ADAM22: variants seen among roughly 807,000 people sequenced by gnomAD.
The protein encoded by ADAM22 is disintegrin and metalloproteinase domain-containing protein 22.
Under a neutral mutation model 144.6 loss-of-function variants are expected in ADAM22, and 65 were observed. The ratio of observed to expected loss-of-function variants is 0.45; its 90% confidence interval spans 0.37 to 0.55. The LOEUF is 0.55. ADAM22 is among the 20% of genes least tolerant of loss of function. The probability of loss-of-function intolerance (pLI) is 0.00; values close to 1 mark genes in which losing one functional copy is unlikely to be tolerated. For missense variants in ADAM22, 974 were observed against 1,184.9 expected, an observed-to-expected ratio of 0.82 and a Z score of 2.61; for synonymous variants, 391 against 412.6, an observed-to-expected ratio of 0.95 and a Z score of 0.63.
At chr7:88,102,518 A>C (rs1823201171) in intron 4 of ADAM22, among the ~76,000 whole-genome samples, 1 of 152,170 alleles carries the variant, frequency 6.6e-6, no homozygotes, top group Non-Finnish European at 1.5e-5. Flanking sequence ...GGTTGGGAGT[A>C]AGTCATGGGC....
chr7:88,093,970 C>A (rs1820599369), intron 4 of ADAM22, among the ~76,000 whole-genome samples: 1 of 152,116 alleles, frequency 6.6e-6, no homozygotes, highest in Admixed American at 6.6e-5. Flanking sequence ...GGAAAGCTGA[C>A]ATGAGAGATT....
intron 3 of ADAM22, among the ~76,000 whole-genome samples, chr7:88,034,548 G>A (rs541340295): frequency 2.0e-5 from 3 of 152,132 alleles, no homozygotes; most frequent in African/African-American, 7.2e-5. Flanking sequence ...ACCTCAGCTC[G>A]TGTCTCAGTA....
chr7:88,029,189 G>A (rs1340238310), intron 3 of ADAM22, among the ~76,000 whole-genome samples: 2 of 151,392 alleles, frequency 1.3e-5, no homozygotes, highest in African/African-American at 4.8e-5. Flanking sequence ...TTTAATCACT[G>A]TGATTTTCTC....
At chr7:88,142,577 A>G (rs969462550) in intron 14 of ADAM22, among the ~76,000 whole-genome samples, 45 of 152,248 alleles carry the variant, frequency 3.0e-4, no homozygotes, top group East Asian at 5.8e-4. Context: ...GGTGGCTCAC[A>G]CCTGTAATCC....
intron 3 of ADAM22, among the ~76,000 whole-genome samples, chr7:88,032,665 A>T (rs947150273): frequency 1.3e-5 from 2 of 152,142 alleles, no homozygotes; most frequent in African/African-American, 4.8e-5. Flanking sequence ...GGGCAGAACG[A>T]TATGGCTTGG....
chr7:87,939,910 T>C (rs1452940557), intron 2 of ADAM22, among the ~76,000 whole-genome samples: 1 of 152,130 alleles, frequency 6.6e-6, no homozygotes, highest in Non-Finnish European at 1.5e-5. Context: ...GAGCAAGCCA[T>C]TGGCTGGGCA....
chr7:88,032,276 C>A (rs1011620207), intron 3 of ADAM22, among the ~76,000 whole-genome samples: 1 of 152,192 alleles, frequency 6.6e-6, no homozygotes, highest in African/African-American at 2.4e-5. Context: ...TGGGGTGGAG[C>A]TGCTCAGGGA....
Position 88,026,825 on chromosome 7 carries a change from C to G in ADAM22, c.323+48413C>G, listed in dbSNP as rs188882045. Among the ~76,000 whole-genome samples, 30 of 152,234 alleles carry G rather than the reference C, an allele frequency of 2.0e-4. 1 individual carries two copies. In the East Asian group the frequency reaches 5.6e-3, roughly 28 times the overall value. On this transcript the variant is annotated intron_variant, in intron 3 of 31. Coordinates refer to ENST00000413139, the MANE Select transcript of ADAM22 (RefSeq NM_001324418.2). ...TTCCCAATCTTAGAGGAAGGTCTTT[C>G]AGTTTTTTTCCATTCAGTATGGTAC...
chr7:88,141,386 A>G (rs895058208), intron 14 of ADAM22, among the ~76,000 whole-genome samples: 1 of 152,218 alleles, frequency 6.6e-6, no homozygotes, highest in Non-Finnish European at 1.5e-5. Flanking sequence ...GAAGCCCTTT[A>G]AAAATGAGTT....
intron 4 of ADAM22, among the ~76,000 whole-genome samples, chr7:88,106,105 C>T (rs747956979): frequency 2.6e-5 from 4 of 152,172 alleles, no homozygotes; most frequent in Non-Finnish European, 5.9e-5. Context: ...CACTGGTGCT[C>T]CACATGAAGT....
At chr7:88,190,896 C>T (rs1387262357) in intron 30 of ADAM22, among the ~76,000 whole-genome samples, 1 of 151,986 alleles carries the variant, frequency 6.6e-6, no homozygotes, top group Non-Finnish European at 1.5e-5. Context: ...CTAAAACCTT[C>T]CTGCTGGGCT....
At chr7:87,977,754 C>A (rs1852244308) in intron 2 of ADAM22, among the ~76,000 whole-genome samples, 1 of 151,844 alleles carries the variant, frequency 6.6e-6, no homozygotes, top group Admixed American at 6.6e-5. Context: ...TTTTCTAACA[C>A]AAGAACATTT....
intron 3 of ADAM22, among the ~76,000 whole-genome samples, chr7:88,044,580 G>A (rs1298948076): frequency 2.0e-5 from 3 of 151,586 alleles, no homozygotes; most frequent in South Asian, 2.1e-4. Context: ...CTGAGTAGCC[G>A]GGACTACAGG....
intron 30 of ADAM22, among the ~76,000 whole-genome samples, chr7:88,191,968 A>T (rs1357785505): frequency 1.3e-5 from 2 of 152,230 alleles, no homozygotes; most frequent in Non-Finnish European, 2.9e-5. Flanking sequence ...ACTATGGCAG[A>T]ACCAGAGCAA....
At chr7:88,070,168 C>T (rs1194647114) in intron 3 of ADAM22, among the ~76,000 whole-genome samples, 1 of 152,028 alleles carries the variant, frequency 6.6e-6, no homozygotes, top group Non-Finnish European at 1.5e-5. Flanking sequence ...TGGCATTTAC[C>T]CCATTAGACA....
intron 2 of ADAM22, among the ~76,000 whole-genome samples, chr7:87,946,238 T>C (rs971541542): frequency 6.6e-6 from 1 of 152,168 alleles, no homozygotes; most frequent in African/African-American, 2.4e-5. Context: ...TATTTTTTGC[T>C]TGTTGAATTA....
At chr7:88,151,185 A>G in intron 19 of ADAM22, 72 bp from the exon 20 acceptor site, 1 of 1,591,110 alleles carries the variant, frequency 6.3e-7, no homozygotes, top group Non-Finnish European at 8.6e-7. Flanking sequence ...TTTCCCAATC[A>G]TAGTTTCTTT....
chr7:88,032,837 C>T (rs1180208568), intron 3 of ADAM22, among the ~76,000 whole-genome samples: 2 of 152,198 alleles, frequency 1.3e-5, no homozygotes, highest in African/African-American at 4.8e-5. Context: ...TGTGTAACAC[C>T]ACCCCCTTTG....
intron 3 of ADAM22, among the ~76,000 whole-genome samples, chr7:88,049,309 G>A (rs1031283517): frequency 6.6e-6 from 1 of 152,158 alleles, no homozygotes; most frequent in African/African-American, 2.4e-5. Context: ...CTTGTCCAGA[G>A]TCTAACATCT....
Sources: allele counts gnomAD v4.1 joint callset (sites outside exome capture counted in the v4.1 genomes callset), GRCh38; gene constraint gnomAD v4.1.1; transcripts MANE v1.5; gene names NCBI Gene and HGNC (gene_info 2026-07-23, HGNC 2026-07-21).